YPEL1: variants seen among roughly 807,000 people sequenced by gnomAD.
YPEL1 encodes the protein protein yippee-like 1.
Under a neutral mutation model 17.3 loss-of-function variants are expected in YPEL1, and 7 were observed. The ratio of observed to expected loss-of-function variants is 0.40; its 90% CI spans 0.23 to 0.76. The LOEUF is 0.76. YPEL1 is among the 30% of genes least tolerant of loss of function. The probability of loss-of-function intolerance (pLI) is 0.35; values close to 1 mark genes in which losing one functional copy is unlikely to be tolerated. For synonymous variants in YPEL1, 59 were observed against 59.6 expected (o/e 0.99, Z 0.05); for missense variants, 91 against 155.5 (o/e 0.59, Z 2.21).
chr22:21,714,032 A>G (rs2068197032), intron 1 of YPEL1, among the ~76,000 whole-genome samples: 1 of 151,948 alleles, frequency 6.6e-6, no homozygotes, highest in African/African-American at 2.4e-5. Context: ...TCCTCCTGAG[A>G]TGCACCCCCC....
chr22:21,729,222 A>G (rs561030376), intron 1 of YPEL1, among the ~76,000 whole-genome samples: 2 of 152,042 alleles, frequency 1.3e-5, no homozygotes, highest in East Asian at 3.9e-4. Context: ...AAGGCAGGAG[A>G]ATCACTTAGG....
At chr22:21,704,174 T>C (rs893767919) in intron 2 of YPEL1, 26 of 718,084 alleles carry the variant, frequency 3.6e-5, no homozygotes, top group Middle Eastern at 2.3e-4. Flanking sequence ...GTGAGCTTCA[T>C]ATGTCTGGAC....
intron 4 of YPEL1, among the ~76,000 whole-genome samples, chr22:21,702,433 G>C (rs531623657): frequency 9.2e-5 from 14 of 152,318 alleles, no homozygotes; most frequent in Admixed American, 2.0e-4. Context: ...AGATGATCAG[G>C]AATTCAGGAA....
At chr22:21,729,950 C>T (rs566519948) in intron 1 of YPEL1, among the ~76,000 whole-genome samples, 1 of 151,994 alleles carries the variant, frequency 6.6e-6, no homozygotes, top group African/African-American at 2.4e-5. Flanking sequence ...GAGATCGAGA[C>T]CAGCCTGGCC....
At position 21,698,441 on chromosome 22, in the gene YPEL1, G is replaced by GAAGT. The variant is rs932562637; in HGVS notation, c.*2684_*2687dup. 3.7e-4 allele frequency: 56 copies of GAAGT among 152,446 alleles called. No individual in the cohort carries two copies. The highest frequency in any genetic ancestry group is 1.2e-3 in the Admixed American group (18 of 15,300). The allele number at this position is 152,446 out of a possible 1,614,324, so 9.4% of individuals were successfully genotyped here. A position where few individuals can be genotyped will look rare whatever the true frequency, so the allele number is the denominator to read the frequency against. On this transcript the variant is annotated 3_prime_UTR_variant, in exon 5 of 5. Transcript: ENST00000339468. The stretch of plus-strand genomic sequence containing the variant: ...ACAAAAACCACTCGGTAGAGTTTTA[G>GAAGT]AAGTTTCTTCCATGTAAGTGAAGCA...
At chr22:21,706,615 G>A (rs1601626495) in intron 2 of YPEL1, among the ~76,000 whole-genome samples, 1 of 152,022 alleles carries the variant, frequency 6.6e-6, no homozygotes, top group African/African-American at 2.4e-5. Context: ...AGAGGCCAGG[G>A]TGGGTGGATC....
At chr22:21,711,342 T>G (rs752494248) in intron 1 of YPEL1, among the ~76,000 whole-genome samples, 2 of 152,196 alleles carry the variant, frequency 1.3e-5, no homozygotes, top group Non-Finnish European at 2.9e-5. Context: ...TACATGCAAA[T>G]AATTTGAGAA....
At chr22:21,728,783 G>GT (rs2148614894) in intron 1 of YPEL1, among the ~76,000 whole-genome samples, 1 of 152,278 alleles carries the variant, frequency 6.6e-6, no homozygotes, top group African/African-American at 2.4e-5. Context: ...CCCAAGGTGG[G>GT]TGCATCGCTT....
chr22:21,703,775 T>C lies in YPEL1; in HGVS notation c.161+64A>G. ...AGGTGATTCTACACAGGGCACTGTG[T>C]AGGTGCCATCCAGGCCGTCCCAGGG... On this transcript the variant is annotated intron_variant, in intron 3 of 4. Transcript: ENST00000339468. The surrounding 1 kb of genome is among the most constrained non-coding windows in gnomAD (Gnocchi z 6.1). The C allele has an allele frequency of 6.5e-7, 1 of 1,544,424 alleles. No homozygotes were observed. Among genetic ancestry groups the C allele is most frequent in the East Asian group, 2.3e-5 (1 of 42,858 alleles).
At chr22:21,702,622 AAAAC>A (rs754666494) in intron 4 of YPEL1, among the ~76,000 whole-genome samples, 206 of 152,246 alleles carry the variant, frequency 1.4e-3, no homozygotes, top group Non-Finnish European at 2.2e-3. Flanking sequence ...AAAAACAAAC[AAAAC>A]AACAACAACA....
chr22:21,705,212 G>A (rs1178665729), intron 2 of YPEL1, among the ~76,000 whole-genome samples: 1 of 152,190 alleles, frequency 6.6e-6, no homozygotes, highest in Non-Finnish European at 1.5e-5. Flanking sequence ...CTCCTGGACT[G>A]AAGTAATCTG....
At chr22:21,723,121 G>T (rs1037407535) in intron 1 of YPEL1, 2 of 152,264 alleles carry the variant, frequency 1.3e-5, no homozygotes, top group African/African-American at 4.8e-5. Context: ...CTGGGTTCAA[G>T]CGATCTCCCC....
Position 21,699,396 on chromosome 22 carries a change from T to G in YPEL1, c.*1733A>C, listed in dbSNP as rs544472989. The G allele has an allele frequency of 6.6e-6, 1 of 152,612 alleles. No homozygotes were observed. The highest frequency in any genetic ancestry group is 6.5e-5 in the Admixed American group (1 of 15,306). 9.5% of individuals were successfully genotyped at this position (152,612 alleles called of 1,614,324 possible). A position where few individuals can be genotyped will look rare whatever the true frequency, so the allele number is the denominator to read the frequency against. ...CTAAATGTTGAAAACCAAACTTATCTGGGAGTGGTTTTTGACCTCCATCCT... is the reference window on the plus strand; with the variant it reads ...CTAAATGTTGAAAACCAAACTTATCGGGGAGTGGTTTTTGACCTCCATCCT... On this transcript the variant is annotated 3_prime_UTR_variant, in exon 5 of 5. Transcript: ENST00000339468.
intron 2 of YPEL1, among the ~76,000 whole-genome samples, chr22:21,705,724 A>G (rs1016132623): frequency 6.6e-6 from 1 of 152,188 alleles, no homozygotes; most frequent in East Asian, 1.9e-4. Flanking sequence ...ACAAACAACA[A>G]CAACAACAAA....
intron 1 of YPEL1, among the ~76,000 whole-genome samples, chr22:21,715,386 C>T (rs1056560175): frequency 6.6e-6 from 1 of 151,448 alleles, no homozygotes; most frequent in East Asian, 2.0e-4. Flanking sequence ...ACCAGCTACT[C>T]GGGAGGCTGA....
intron 1 of YPEL1, among the ~76,000 whole-genome samples, chr22:21,732,653 G>A (rs1313131991): frequency 6.6e-6 from 1 of 151,934 alleles, no homozygotes; most frequent in African/African-American, 2.4e-5. Flanking sequence ...GTTGTGGCGG[G>A]TGCCTGTAGT....
chr22:21,722,288 T>TGC (rs2068291111), intron 1 of YPEL1, among the ~76,000 whole-genome samples: 1 of 152,168 alleles, frequency 6.6e-6, no homozygotes, highest in Non-Finnish European at 1.5e-5. Flanking sequence ...TGGTGGCACG[T>TGC]GCCTGTAGTC....
chr22:21,720,370 A>C (rs977842728), intron 1 of YPEL1, among the ~76,000 whole-genome samples: 2 of 151,264 alleles, frequency 1.3e-5, no homozygotes, highest in Non-Finnish European at 2.9e-5. Context: ...ACGCCTGGCT[A>C]ATTTTTTTGT....
chr22:21,729,580 G>A (rs992343945), intron 1 of YPEL1, among the ~76,000 whole-genome samples: 4 of 151,988 alleles, frequency 2.6e-5, no homozygotes, highest in Admixed American at 6.6e-5. Context: ...CAGGCTGGGC[G>A]ACAGAGCGAG....
Sources: allele counts gnomAD v4.1 joint callset (sites outside exome capture counted in the v4.1 genomes callset), GRCh38; gene constraint gnomAD v4.1.1; non-coding constraint Gnocchi (gnomAD v3.1); transcripts MANE v1.5; gene names NCBI Gene and HGNC (gene_info 2026-07-23, HGNC 2026-07-21).